CES5A: variants seen among roughly 807,000 people sequenced by gnomAD.
CES5A encodes carboxylesterase 5.
CES5A carries 67 observed loss-of-function variants against 62.9 expected under a neutral mutation model. The ratio of observed to expected loss-of-function variants is 1.07; its 90% CI spans 0.88 to 1.31. CES5A has a LOEUF of 1.31. Ranked by LOEUF, CES5A falls within the 50% of genes most tolerant of loss-of-function variation. The probability of loss-of-function intolerance (pLI) is 0.00; values close to 1 mark genes in which losing one functional copy is unlikely to be tolerated. For missense variants in CES5A, 748 were observed against 708.5 expected, an observed-to-expected ratio of 1.06 and a Z score of -0.63; for synonymous variants, 296 against 280.8, an observed-to-expected ratio of 1.05 and a Z score of -0.54.
chr16:55,888,195 C>T (rs2142430426), intron 1 of CES5A, among the ~76,000 whole-genome samples: 1 of 152,276 alleles, frequency 6.6e-6, no homozygotes, highest in East Asian at 1.9e-4. Flanking sequence ...TCCTCTCTGC[C>T]CACCACTGAT....
intron 2 of CES5A, among the ~76,000 whole-genome samples, chr16:55,941,542 A>C (rs1054008161): frequency 7.2e-5 from 11 of 152,120 alleles, no homozygotes; most frequent in African/African-American, 2.7e-4. Context: ...AGTTCTTCCC[A>C]AAATGATCTA....
At chr16:55,939,569 G>T (rs1171906492) in intron 2 of CES5A, among the ~76,000 whole-genome samples, 1 of 152,062 alleles carries the variant, frequency 6.6e-6, no homozygotes, top group Non-Finnish European at 1.5e-5. Context: ...AACATAAATA[G>T]AGAGCTCTAG....
intron 1 of CES5A, among the ~76,000 whole-genome samples, chr16:55,895,331 C>A (rs1234698687): frequency 6.6e-6 from 1 of 152,344 alleles, no homozygotes; most frequent in African/African-American, 2.4e-5. Flanking sequence ...TGAACTCCAA[C>A]CTATGAGAGG....
intron 1 of CES5A, among the ~76,000 whole-genome samples, chr16:55,911,843 T>C (rs1476321099): frequency 6.6e-6 from 1 of 152,202 alleles, no homozygotes; most frequent in Admixed American, 6.5e-5. Context: ...AAGCCTCCTC[T>C]GAGCCAGCTA....
intron 2 of CES5A, among the ~76,000 whole-genome samples, chr16:55,938,735 CAAAAAAAAAAAAAAAAA>C (rs1171756916): frequency 3.4e-5 from 1 of 29,132 alleles, no homozygotes; most frequent in Non-Finnish European, 5.0e-5. Flanking sequence ...GACTCCATCT[CAAAAAAAAAAAAAAAAA>C]AAAAAAAAAA....
At chr16:55,919,460 C>T (rs1056147411) in intron 1 of CES5A, among the ~76,000 whole-genome samples, 3 of 152,110 alleles carry the variant, frequency 2.0e-5, no homozygotes, top group South Asian at 4.1e-4. Flanking sequence ...GGATTCCCTA[C>T]CCAAATGATT....
intron 7 of CES5A, among the ~76,000 whole-genome samples, chr16:55,861,074 T>C (rs1597116952): frequency 6.6e-6 from 1 of 152,318 alleles, no homozygotes; most frequent in South Asian, 2.1e-4. Context: ...AATGACTTCC[T>C]AATAGAACTT....
chr16:55,851,272 T>C (rs969409415), intron 10 of CES5A, among the ~76,000 whole-genome samples: 1 of 152,132 alleles, frequency 6.6e-6, no homozygotes, highest in African/African-American at 2.4e-5. Flanking sequence ...ATTTCCACAA[T>C]ATATAAGGAA....
rs765999954 is a variant in CES5A at position 55,873,966 on chromosome 16, C to A, written c.145G>T (p.Gly49Ter). ...WIQGKQVTVLGSPVPVNVFLG... is the reference protein window; with the variant it reads ...WIQGKQVTVL ...AACACGTTCACAGGCACAGGGCTTC[C>A]CAGCACAGTGACTTGCTTGCCCTGA... The change falls in exon 2 of 13, where the codon GGA (glycine) becomes TGA (stop). Residue 49 changes from glycine to a stop codon, truncating the protein, a stop_gained. Transcript: ENST00000290567. LOFTEE classifies it high-confidence loss of function. 8.1e-6 allele frequency: 13 copies of A among 1,612,986 alleles called. No homozygotes were observed. The East Asian group carries it at 2.9e-4, about 36-fold the overall frequency.
At chr16:55,954,002 A>G (rs2034583405) in intron 1 of CES5A, among the ~76,000 whole-genome samples, 1 of 152,006 alleles carries the variant, frequency 6.6e-6, no homozygotes, top group African/African-American at 2.4e-5. Context: ...ATTTAACTAT[A>G]TTTTTGCACC....
At chr16:55,925,821 G>C (rs1597152578), upstream of CES5A, among the ~76,000 whole-genome samples, 1 of 151,990 alleles carries the variant, frequency 6.6e-6, no homozygotes, top group Admixed American at 6.6e-5. Flanking sequence ...CTGCACAGCA[G>C]AAGAAATAAT....
rs189824860 is a variant in CES5A, at chr16:55,919,336, A to G, written c.-256+5987T>C. Among the ~76,000 whole-genome samples, 423 of 152,336 alleles carry G rather than the reference A, an allele frequency of 2.8e-3. 2 individuals carry two copies. Among genetic ancestry groups the G allele is most frequent in the Middle Eastern group, 0.014 (4 of 294 alleles). On this transcript the variant is annotated intron_variant, in intron 1 of 12. Transcript: ENST00000518005. ...AATTTGTCAGGTCAAAGGGCTATGG[A>G]GAAGCTAGAGTCACTTGGGTGCCAC...
At chr16:55,878,711 C>T (rs964028681), upstream of CES5A, among the ~76,000 whole-genome samples, 1 of 149,666 alleles carries the variant, frequency 6.7e-6, no homozygotes, top group Non-Finnish European at 1.5e-5. Context: ...ATTGCAGCAC[C>T]CCATGACTGC....
At chr16:55,925,550 A>G (rs1252890761), upstream of CES5A, 1 of 152,108 alleles carries the variant, frequency 6.6e-6, no homozygotes, top group African/African-American at 2.4e-5. Flanking sequence ...TGTCAAAAAA[A>G]ATCTCTGCAT....
chr16:55,917,154 T>G (rs1425903334), intron 1 of CES5A, among the ~76,000 whole-genome samples: 1 of 152,188 alleles, frequency 6.6e-6, no homozygotes, highest in Non-Finnish European at 1.5e-5. Flanking sequence ...TCTTATCCAG[T>G]TCCATGGTTT....
At chr16:55,850,837 C>T (rs1305412040) in intron 10 of CES5A, among the ~76,000 whole-genome samples, 5 of 152,106 alleles carry the variant, frequency 3.3e-5, no homozygotes, top group Admixed American at 6.6e-5. Context: ...GTTTTATGTC[C>T]CCAGCAGCAG....
intron 1 of CES5A, among the ~76,000 whole-genome samples, chr16:55,885,380 G>C (rs925218315): frequency 6.6e-6 from 1 of 152,154 alleles, no homozygotes; most frequent in Non-Finnish European, 1.5e-5. Context: ...AGGATTAAAC[G>C]TGCAAAGGAG....
chr16:55,938,760 AAAAAAATATATATATATAT>A (rs2034408198), intron 2 of CES5A, among the ~76,000 whole-genome samples: 1 of 66,852 alleles, frequency 1.5e-5, no homozygotes, highest in Admixed American at 1.7e-4. Context: ...AAAAAAAAAA[AAAAAAATATATATATATAT>A]ATATATATAT....
intron 2 of CES5A, among the ~76,000 whole-genome samples, chr16:55,938,807 T>C (rs1275632999): frequency 2.9e-5 from 3 of 102,434 alleles, no homozygotes; most frequent in Admixed American, 1.1e-4. Flanking sequence ...TACACACATA[T>C]ATATATATAC....
Sources: allele counts gnomAD v4.1 joint callset (sites outside exome capture counted in the v4.1 genomes callset), GRCh38; gene constraint gnomAD v4.1.1; transcripts MANE v1.5; gene names NCBI Gene and HGNC (gene_info 2026-07-23, HGNC 2026-07-21).